AGTPBP1: variants seen among roughly 807,000 people sequenced by gnomAD.
The protein encoded by AGTPBP1 is ATP/GTP binding carboxypeptidase 1.
AGTPBP1 carries 70 observed loss-of-function variants against 143.9 expected under a neutral mutation model. That is an observed-to-expected ratio of 0.49 (90% confidence interval 0.40 to 0.59). AGTPBP1 has a LOEUF of 0.59. AGTPBP1 is among the 20% of genes least tolerant of loss of function. AGTPBP1 has a pLI of 0.00. For missense variants in AGTPBP1, 1,229 were observed against 1,464.5 expected (o/e 0.84, Z 2.62); for synonymous variants, 463 against 500.2 (o/e 0.93, Z 0.99).
chr9:85,682,784 C>G (rs1330805046), intron 3 of AGTPBP1, among the ~76,000 whole-genome samples: 1 of 152,160 alleles, frequency 6.6e-6, no homozygotes, highest in Non-Finnish European at 1.5e-5. Flanking sequence ...CAAACTCAGG[C>G]TAAGCCTTTA....
At chr9:85,591,632 CA>C (rs1258399609) in intron 19 of AGTPBP1, among the ~76,000 whole-genome samples, 1 of 152,068 alleles carries the variant, frequency 6.6e-6, no homozygotes, top group Non-Finnish European at 1.5e-5. Flanking sequence ...AACTACTAAG[CA>C]CAGAAAGATA....
At chr9:85,729,831 T>A (rs1250084564) in intron 1 of AGTPBP1, among the ~76,000 whole-genome samples, 2 of 152,100 alleles carry the variant, frequency 1.3e-5, no homozygotes, top group Admixed American at 1.3e-4. Flanking sequence ...CAGTGAAATA[T>A]CATCACCTCA....
chr9:85,722,776 CTT>C (rs1838217097), intron 1 of AGTPBP1, among the ~76,000 whole-genome samples: 3 of 152,178 alleles, frequency 2.0e-5, no homozygotes, highest in African/African-American at 4.8e-5. Context: ...AACTTTTCAG[CTT>C]TTCTGCTCTG....
chr9:85,753,791 T>C, the AGTPBP1 span, among the ~76,000 whole-genome samples: 1 of 149,976 alleles, frequency 6.7e-6, no homozygotes, highest in East Asian at 1.9e-4. Flanking sequence ...GATAGATAGA[T>C]AGATAGATAG....
chr9:85,742,359 C>T (rs556632749), upstream of AGTPBP1, among the ~76,000 whole-genome samples: 13 of 152,148 alleles, frequency 8.5e-5, no homozygotes, highest in African/African-American at 2.9e-4. Flanking sequence ...CGCGCCCACC[C>T]CCTCCCCCGC....
chr9:85,762,451 A>G, the AGTPBP1 span, among the ~76,000 whole-genome samples: 2 of 152,200 alleles, frequency 1.3e-5, no homozygotes, highest in Non-Finnish European at 2.9e-5. Flanking sequence ...ATAAAAAATG[A>G]TGAGTTCATG....
chr9:85,749,330 T>C, the AGTPBP1 span, among the ~76,000 whole-genome samples: 1 of 152,142 alleles, frequency 6.6e-6, no homozygotes, highest in Non-Finnish European at 1.5e-5. Flanking sequence ...GCCACATCTC[T>C]AATTCTAGTG....
intron 8 of AGTPBP1, among the ~76,000 whole-genome samples, chr9:85,661,463 C>T (rs1417165236): frequency 3.3e-5 from 5 of 151,988 alleles, no homozygotes; most frequent in Non-Finnish European, 7.4e-5. Context: ...CTATTTAAGG[C>T]CATAATAAAG....
At chr9:85,579,293 T>C (rs1828090403) in intron 23 of AGTPBP1, among the ~76,000 whole-genome samples, 197 bp from the exon 24 acceptor site, 1 of 152,192 alleles carries the variant, frequency 6.6e-6, no homozygotes, top group South Asian at 2.1e-4. Flanking sequence ...TAAACAAATA[T>C]AGTATCCAGT....
At chr9:85,558,348 T>C (rs1587621131) in intron 25 of AGTPBP1, among the ~76,000 whole-genome samples, 1 of 152,160 alleles carries the variant, frequency 6.6e-6, no homozygotes, top group Admixed American at 6.5e-5. Flanking sequence ...GCTTAATTGG[T>C]ATGAGGGTCT....
the AGTPBP1 span, among the ~76,000 whole-genome samples, chr9:85,776,735 C>T: frequency 6.6e-6 from 1 of 152,116 alleles, no homozygotes; most frequent in Non-Finnish European, 1.5e-5. Context: ...TTAATGGAAT[C>T]ATTGTTGTGT....
chr9:85,801,477 C>T, the AGTPBP1 span, among the ~76,000 whole-genome samples: 3 of 151,960 alleles, frequency 2.0e-5, no homozygotes, highest in African/African-American at 4.8e-5. Flanking sequence ...TTTGAACATT[C>T]ACTGTGCATT....
rs547428998 is a variant in AGTPBP1, at chr9:85,621,230, G to A, written c.2071C>T (p.Arg691Cys). The change falls in exon 15 of 26, where the codon CGT becomes TGT. Residue 691 changes from arginine (R) to cysteine (C), a missense_variant. By Grantham distance (180) the Arg-to-Cys change is radical (BLOSUM62 -3). Transcript: ENST00000357081. Reference protein sequence around the residue: ...RLIHQSDIIDRVVYDLDNPNY... With the variant: ...RLIHQSDIIDCVVYDLDNPNY... ...GGGTTATCCAAGTCATATACCACAC[G>A]ATCTATGATATCACTCTGATGTATT... 4.5e-5 allele frequency: 66 copies of A among 1,468,552 alleles called. No individual in the cohort carries two copies. Among genetic ancestry groups the A allele is most frequent in the Middle Eastern group, 1.8e-4 (1 of 5,582 alleles). The allele number at this position is 1,468,552 out of a possible 1,614,324, so 91.0% of individuals were successfully genotyped here. A position where few individuals can be genotyped will look rare whatever the true frequency, so the allele number is the denominator to read the frequency against.
At chr9:85,572,401 C>T (rs1315388840) in intron 25 of AGTPBP1, among the ~76,000 whole-genome samples, 2 of 151,744 alleles carry the variant, frequency 1.3e-5, no homozygotes, top group Admixed American at 1.3e-4. Context: ...TGCCACAGTC[C>T]CCTTAAAGAG....
chr9:85,634,255 T>C (rs114725160), intron 13 of AGTPBP1, among the ~76,000 whole-genome samples: 1,793 of 138,382 alleles, frequency 0.013, 39 homozygotes, highest in African/African-American at 0.047. Flanking sequence ...GGATTGGGAG[T>C]ACCAAGAGAG....
intron 17 of AGTPBP1, among the ~76,000 whole-genome samples, chr9:85,611,562 C>T (rs973600272): frequency 6.6e-6 from 1 of 151,980 alleles, no homozygotes; most frequent in African/African-American, 2.4e-5. Context: ...TAAATGAAGG[C>T]TTGACAGAAA....
At chr9:85,584,704 C>T (rs546314946) in intron 23 of AGTPBP1, among the ~76,000 whole-genome samples, 92 of 152,180 alleles carry the variant, frequency 6.0e-4, no homozygotes, top group Non-Finnish European at 1.1e-3. Context: ...TTCCTATCTA[C>T]CATCAATGAT....
intron 14 of AGTPBP1, among the ~76,000 whole-genome samples, chr9:85,630,487 A>C (rs1831599570): frequency 6.6e-6 from 1 of 150,958 alleles, no homozygotes; most frequent in Non-Finnish European, 1.5e-5. Flanking sequence ...TGATTGATTG[A>C]TTGATTGATT....
chr9:85,741,737 G>C (rs1009600427), intron 1 of AGTPBP1, 38 bp downstream of exon 1: 14 of 1,282,738 alleles, frequency 1.1e-5, no homozygotes, highest in African/African-American at 6.2e-5. Flanking sequence ...GCAGAGGGAC[G>C]GCCGGCCGGG....
Sources: gnomAD v4.1 joint callset for allele counts (sites outside exome capture counted in the v4.1 genomes callset) on GRCh38, gnomAD v4.1.1 for gene constraint, MANE v1.5 for transcripts, NCBI Gene and HGNC (gene_info 2026-07-23, HGNC 2026-07-21) for gene names.